The following SNX29 variants were observed in gnomAD, a reference collection of about 807,000 sequenced individuals.
SNX29 encodes the protein sorting nexin-29.
A neutral mutation model predicts 102.1 loss-of-function variants in SNX29; 78 were observed. The ratio of observed to expected loss-of-function variants is 0.76; its 90% CI spans 0.64 to 0.92. The LOEUF (loss-of-function observed/expected upper bound fraction) is 0.92, where lower values mean the gene tolerates loss of function less well. SNX29 is among the 40% of genes least tolerant of loss of function. The probability of loss-of-function intolerance (pLI) is 0.00; values close to 1 mark genes in which losing one functional copy is unlikely to be tolerated. For synonymous variants in SNX29, 580 were observed against 414.5 expected, an observed-to-expected ratio of 1.40 and a Z score of -4.85; for missense variants, 1,280 against 1,061.7, an observed-to-expected ratio of 1.21 and a Z score of -2.86.
At chr16:12,180,122 T>A (rs527748373) in intron 13 of SNX29, among the ~76,000 whole-genome samples, 2 of 152,302 alleles carry the variant, frequency 1.3e-5, no homozygotes, top group African/African-American at 4.8e-5. Flanking sequence ...TTTACCTGTC[T>A]TCAGTATTTG....
At chr16:12,425,862 T>G (rs1294161818) in intron 18 of SNX29, among the ~76,000 whole-genome samples, 1 of 152,152 alleles carries the variant, frequency 6.6e-6, no homozygotes, top group African/African-American at 2.4e-5. Flanking sequence ...TGGGCACTGT[T>G]GACAGAAATA....
intron 3 of SNX29, among the ~76,000 whole-genome samples, chr16:12,011,384 T>TCC (rs1355237694): frequency 3.8e-4 from 58 of 151,920 alleles, no homozygotes; most frequent in African/African-American, 1.4e-3. Context: ...CTAGCGATTC[T>TCC]TGTGCCTCAG....
In SNX29 at chr16:12,404,837, C is replaced by T. The variant is rs187813282; in HGVS notation, c.2037+1308C>T. On this transcript the variant is annotated intron_variant, in intron 18 of 20. Transcript: ENST00000566228. The stretch of plus-strand genomic sequence containing the variant: ...CCTGCAGTAGACACTCTATTCATTT[C>T]TCACCTTCCCAAATGACCGCTGTGC... Among the ~76,000 whole-genome samples, 194 of 152,298 alleles carry T rather than the reference C, an allele frequency of 1.3e-3. 1 individual carries two copies. Among genetic ancestry groups the T allele is most frequent in the African/African-American group, 4.4e-3 (184 of 41,572 alleles).
intron 13 of SNX29, among the ~76,000 whole-genome samples, chr16:12,139,864 C>T (rs1484424990): frequency 6.6e-6 from 1 of 150,706 alleles, no homozygotes; most frequent in East Asian, 2.0e-4. Context: ...GCCTGTGGTC[C>T]CAGCTACTCA....
rs76805722 is a variant in SNX29 at position 12,216,621 on chromosome 16, G to T, written c.1678+16938G>T. Among the ~76,000 whole-genome samples the T allele has an allele frequency of 4.3e-3, 657 of 152,290 alleles. 5 individuals are homozygous for T. Among genetic ancestry groups the T allele is most frequent in the African/African-American group, 0.015 (627 of 41,540 alleles). ...GTACTGGGAAGCCTTATAGCATGAA[G>T]ACTTAGATTGTGGGTGTTGGCCGAG... On this transcript the variant is annotated intron_variant, in intron 14 of 20. Coordinates refer to ENST00000566228, the MANE Select transcript of SNX29 (RefSeq NM_032167.5).
intron 19 of SNX29, among the ~76,000 whole-genome samples, chr16:12,510,021 G>T (rs2089542648): frequency 6.6e-6 from 1 of 152,180 alleles, no homozygotes; most frequent in African/African-American, 2.4e-5. Flanking sequence ...TCATTCTTTG[G>T]CTTGGTTCGC....
intron 15 of SNX29, among the ~76,000 whole-genome samples, chr16:12,282,445 T>C (rs2079465186): frequency 6.6e-6 from 1 of 152,066 alleles, no homozygotes. Context: ...AGAGTGAGAG[T>C]TCCTCGAGGG....
At chr16:12,273,327 GGTTTTTT>G (rs1173787380) in intron 14 of SNX29, among the ~76,000 whole-genome samples, 11 of 120,810 alleles carry the variant, frequency 9.1e-5, no homozygotes, top group South Asian at 2.3e-4. Flanking sequence ...TTTTAGTGGT[GGTTTTTT>G]GTTTTTTGTT....
At chr16:12,026,762 A>G (rs990468870) in intron 3 of SNX29, among the ~76,000 whole-genome samples, 1 of 152,184 alleles carries the variant, frequency 6.6e-6, no homozygotes, top group Admixed American at 6.5e-5. Flanking sequence ...ATCTCATATA[A>G]TCTCTTTAGA....
chr16:12,186,231 T>TA (rs1284050326), intron 13 of SNX29, among the ~76,000 whole-genome samples: 1 of 152,144 alleles, frequency 6.6e-6, no homozygotes, highest in Non-Finnish European at 1.5e-5. Context: ...CTTCTTTTTT[T>TA]AAAAAATCTT....
At chr16:12,419,696 G>A (rs1196480250) in intron 18 of SNX29, among the ~76,000 whole-genome samples, 1 of 152,144 alleles carries the variant, frequency 6.6e-6, no homozygotes, top group Non-Finnish European at 1.5e-5. Flanking sequence ...TGCCCCCAGG[G>A]GAAAGGCCCC....
At chr16:12,539,311 C>T (rs932035476) in intron 20 of SNX29, among the ~76,000 whole-genome samples, 2 of 152,060 alleles carry the variant, frequency 1.3e-5, no homozygotes, top group African/African-American at 2.4e-5. Flanking sequence ...TGTCCCTCCC[C>T]CTCTAGTTTT....
chr16:12,335,849 C>T (rs993236422), intron 15 of SNX29, among the ~76,000 whole-genome samples: 3 of 152,156 alleles, frequency 2.0e-5, no homozygotes, highest in Admixed American at 6.5e-5. Context: ...CTAATGAGGA[C>T]GCCAAGGCCC....
intron 15 of SNX29, among the ~76,000 whole-genome samples, chr16:12,354,690 G>C (rs2082082115): frequency 6.6e-6 from 1 of 152,024 alleles, no homozygotes; most frequent in Non-Finnish European, 1.5e-5. Flanking sequence ...GGAAGCTCGT[G>C]GGGGGTTTAT....
intron 17 of SNX29, among the ~76,000 whole-genome samples, chr16:12,400,972 G>C (rs531668655): frequency 2.0e-5 from 3 of 152,120 alleles, no homozygotes; most frequent in Non-Finnish European, 2.9e-5. Flanking sequence ...ACAGGTGCCT[G>C]CCACCACACC....
intron 18 of SNX29, among the ~76,000 whole-genome samples, chr16:12,438,401 C>G (rs1226952642): frequency 1.3e-5 from 2 of 152,090 alleles, no homozygotes; most frequent in African/African-American, 4.8e-5. Context: ...CCCTTACCAC[C>G]CAGTTTACCT....
intron 20 of SNX29, among the ~76,000 whole-genome samples, chr16:12,561,478 T>G (rs1023459584): frequency 3.9e-5 from 6 of 152,106 alleles, no homozygotes; most frequent in Non-Finnish European, 5.9e-5. Flanking sequence ...AGTGGAGTAT[T>G]GACCGGCTCG....
intron 14 of SNX29, among the ~76,000 whole-genome samples, chr16:12,271,036 C>T (rs899008301): frequency 6.6e-6 from 1 of 152,082 alleles, no homozygotes; most frequent in Non-Finnish European, 1.5e-5. Context: ...GAACGAGACT[C>T]TCAAAAAAAT....
intron 19 of SNX29, among the ~76,000 whole-genome samples, chr16:12,514,773 G>C (rs1476344180): frequency 6.6e-6 from 1 of 152,140 alleles, no homozygotes; most frequent in Non-Finnish European, 1.5e-5. Context: ...GCTGAGGCAG[G>C]AGAATCACTT....
Sources: allele counts gnomAD v4.1 joint callset (sites outside exome capture counted in the v4.1 genomes callset), GRCh38; gene constraint gnomAD v4.1.1; transcripts MANE v1.5; gene names NCBI Gene and HGNC (gene_info 2026-07-23, HGNC 2026-07-21).